DAGLB: variants seen among roughly 807,000 people sequenced by gnomAD.
DAGLB encodes the protein diacylglycerol lipase beta, also known as diacylglycerol lipase-beta.
DAGLB carries 66 observed loss-of-function variants against 72.1 expected under a neutral mutation model. That is an observed-to-expected ratio of 0.92 (90% confidence interval 0.75 to 1.12). The LOEUF (loss-of-function observed/expected upper bound fraction) is 1.12, where lower values mean the gene tolerates loss of function less well. DAGLB is among the 50% of genes most tolerant of loss of function. DAGLB has a pLI of 0.00. For missense variants in DAGLB, 1,065 were observed against 884.9 expected, an observed-to-expected ratio of 1.20 and a Z score of -2.58; for synonymous variants, 414 against 359.5, an observed-to-expected ratio of 1.15 and a Z score of -1.71.
Position 6,416,887 on chromosome 7 carries a change from C to T in DAGLB, c.1253G>A (p.Arg418Gln), listed in dbSNP as rs114433257. The T allele has an allele frequency of 2.8e-5, 45 of 1,614,182 alleles. 1 individual carries two copies. The highest frequency in any genetic ancestry group is 4.4e-5 in the South Asian group (4 of 91,062). The part of the protein sequence containing the change: ...ISQAARYVYQ[R>Q]LINDGILSQA... ...GCTCAAAATCCCGTCGTTGATGAGT[C>T]GTTGGTAAACGTATCTGGCAGCTTG... Residue 418 changes from arginine (R) to glutamine (Q), a missense_variant, in exon 10 of 15, where the codon CGA becomes CAA. Physicochemically the swap from Arg to Gln is conservative, Grantham distance 43. Transcript: ENST00000297056.
At position 6,426,071 on chromosome 7, in the gene DAGLB, G is replaced by T. The variant is rs956174371; in HGVS notation, c.973C>A (p.Gln325Lys). The change falls in exon 7 of 15, where the codon CAG becomes AAG. Residue 325 changes from glutamine to lysine, a missense_variant. Transcript: ENST00000297056. Reference protein sequence around the residue: ...TTDYDLVGGDQLNCHFGSILH... With the variant: ...TTDYDLVGGDKLNCHFGSILH... Reference sequence around the variant, plus strand: ...ATGGAGCCGAAGTGACAGTTGAGCTGATCGCCTCCGACCAAGTCATAGTCT... The same window carrying T: ...ATGGAGCCGAAGTGACAGTTGAGCTTATCGCCTCCGACCAAGTCATAGTCT... 6.2e-7 allele frequency: 1 copy of T among 1,613,878 alleles called. No homozygotes were observed. The highest frequency in any genetic ancestry group is 1.3e-5 in the African/African-American group (1 of 74,934).
chr7:6,418,623 G>A (rs1055028212), intron 9 of DAGLB, among the ~76,000 whole-genome samples: 4 of 152,052 alleles, frequency 2.6e-5, no homozygotes, highest in South Asian at 2.1e-4. Flanking sequence ...CAGAAGATGG[G>A]AGATGGTTTT....
At chr7:6,426,831 G>A (rs1039569359) in intron 6 of DAGLB, among the ~76,000 whole-genome samples, 6 of 152,162 alleles carry the variant, frequency 3.9e-5, no homozygotes, top group Admixed American at 2.0e-4. Flanking sequence ...AAAAGAGGCC[G>A]GGCGTGGTGG....
intron 11 of DAGLB, among the ~76,000 whole-genome samples, chr7:6,415,612 C>A (rs981486626): frequency 3.0e-5 from 4 of 132,328 alleles, no homozygotes; most frequent in African/African-American, 1.2e-4. Context: ...GCCAAGGTGG[C>A]GGATCATGAG....
chr7:6,430,468 G>C lies in DAGLB; in HGVS notation c.929+12C>G, dbSNP rs73676749. 6.6e-7 allele frequency: 1 copy of C among 1,516,942 alleles called. No homozygotes were observed. The highest frequency in any genetic ancestry group is 8.9e-7 in the Non-Finnish European group (1 of 1,124,458). The allele number at this position is 1,516,942 out of a possible 1,614,324, so 94.0% of individuals were successfully genotyped here. A position where few individuals can be genotyped will look rare whatever the true frequency, so the allele number is the denominator to read the frequency against. ...AAATATGGCTATGGAGGCTCAGACTGTGCCAACCCACCAGTCACCACCAAT... is the reference window on the plus strand; with the variant it reads ...AAATATGGCTATGGAGGCTCAGACTCTGCCAACCCACCAGTCACCACCAAT... On this transcript the variant is annotated intron_variant, in intron 6 of 14. Coordinates refer to ENST00000297056, the MANE Select transcript of DAGLB (RefSeq NM_139179.4).
At position 6,445,941 on chromosome 7, in the gene DAGLB, GCTA is replaced by G. The variant is rs1410066607; in HGVS notation, c.247+9_247+11del. On this transcript the variant is annotated intron_variant, in intron 2 of 14. Coordinates refer to ENST00000297056, the MANE Select transcript of DAGLB (RefSeq NM_139179.4). ...AAAAAATAGGTATCAAATAGAAAAG[GCTA>G]CTTTTTACCTCTCATGCTGACACAC... 4 of 1,576,460 alleles carry G rather than the reference GCTA, an allele frequency of 2.5e-6. No homozygotes were observed. The African/African-American group carries it at 5.5e-5, about 22-fold the overall frequency.
At chr7:6,437,062 G>A (rs1436449090) in intron 2 of DAGLB, among the ~76,000 whole-genome samples, 1 of 151,614 alleles carries the variant, frequency 6.6e-6, no homozygotes, top group Non-Finnish European at 1.5e-5. Flanking sequence ...GCTGAGACAG[G>A]AGAATCGCTT....
At position 6,416,661 on chromosome 7, in the gene DAGLB, A is replaced by T. The variant is rs1337312260; in HGVS notation, c.1393T>A (p.Cys465Ser). The change falls in exon 11 of 15, where the codon TGC becomes AGC. Residue 465 changes from cysteine (C) to serine (S), a missense_variant. By Grantham distance (112) the Cys-to-Ser change is moderately radical. Transcript: ENST00000297056. The stretch of plus-strand genomic sequence containing the variant: ...CCCCGGGGTGGGGAGAAGGCGTAGC[A>T]CCTGACCTGCGGGTAGGCGGCTCTG... ...MLRAAYPQVR[C>S]YAFSPPRGLW... 6.2e-7 allele frequency: 1 copy of T among 1,613,462 alleles called. No homozygotes were observed. Among genetic ancestry groups the T allele is most frequent in the East Asian group, 2.2e-5 (1 of 44,878 alleles).
chr7:6,443,213 A>G (rs1197480011), intron 2 of DAGLB, among the ~76,000 whole-genome samples: 4 of 148,998 alleles, frequency 2.7e-5, no homozygotes, highest in African/African-American at 7.4e-5. Context: ...AAAACAAAAA[A>G]AACAAAACAA....
chr7:6,418,687 C>T (rs1244461030), intron 9 of DAGLB, among the ~76,000 whole-genome samples: 3 of 147,128 alleles, frequency 2.0e-5, no homozygotes, highest in South Asian at 2.2e-4. Context: ...TTTTTTGAGA[C>T]AGAGTCTCGC....
chr7:6,419,081 CTTTTTTTTTTT>C (rs1199596102), intron 9 of DAGLB, among the ~76,000 whole-genome samples: 1 of 128,186 alleles, frequency 7.8e-6, no homozygotes, highest in African/African-American at 3.1e-5. Flanking sequence ...ATGGCACTTC[CTTTTTTTTTTT>C]TTTTTTTTTG....
intron 5 of DAGLB, 47 bp from the exon 6 acceptor site, chr7:6,430,654 C>G: frequency 6.8e-7 from 1 of 1,480,660 alleles, no homozygotes; most frequent in East Asian, 2.4e-5. Context: ...GAACTCCTGA[C>G]ACAGAGGATC....
At chr7:6,444,811 C>A (rs1784942354) in intron 2 of DAGLB, among the ~76,000 whole-genome samples, 1 of 152,120 alleles carries the variant, frequency 6.6e-6, no homozygotes, top group South Asian at 2.1e-4. Context: ...GAGGCTGAGG[C>A]AGGAGAATCA....
intron 2 of DAGLB, among the ~76,000 whole-genome samples, chr7:6,440,124 G>C (rs981592475): frequency 2.0e-5 from 3 of 151,806 alleles, no homozygotes; most frequent in African/African-American, 4.8e-5. Context: ...GGGTGCAGTG[G>C]CTCAGGCTTG....
chr7:6,439,950 G>A (rs1784774702), intron 2 of DAGLB, among the ~76,000 whole-genome samples: 1 of 151,636 alleles, frequency 6.6e-6, no homozygotes, highest in Non-Finnish European at 1.5e-5. Context: ...TACTCGGGAG[G>A]CTGAGGCAGG....
intron 8 of DAGLB, chr7:6,422,571 AAC>A (rs1263203152): frequency 2.0e-5 from 3 of 153,720 alleles, no homozygotes; most frequent in African/African-American, 7.2e-5. Context: ...AAAGCGCAAA[AAC>A]ACATCCTCTG....
chr7:6,411,237 G>A (rs1339996437), intron 13 of DAGLB, among the ~76,000 whole-genome samples: 1 of 150,856 alleles, frequency 6.6e-6, no homozygotes, highest in Non-Finnish European at 1.5e-5. Context: ...TCGAACTCCC[G>A]ACCTCAGGTG....
rs755750282 is a variant in DAGLB, at chr7:6,447,762, G to T, written c.81C>A (p.Val27=). ...DLVFPGFFEL[V]VRVLWWIGIL... ...GCCGTCCTTACCACAGCACTCGCAC[G>T]ACCAGCTCGAAGAACCCTGGGAAGA... is the stretch of plus-strand genomic sequence containing the variant. Residue 27 remains valine, a synonymous_variant, in exon 1 of 15, where the codon GTC becomes GTA. Transcript: ENST00000297056. 1 of 1,613,382 alleles carries T rather than the reference G, an allele frequency of 6.2e-7. No individual in the cohort carries two copies. Among genetic ancestry groups the T allele is most frequent in the South Asian group, 1.1e-5 (1 of 90,934 alleles).
chr7:6,420,948 G>C (rs755529627), intron 9 of DAGLB, among the ~76,000 whole-genome samples: 4 of 152,158 alleles, frequency 2.6e-5, no homozygotes, highest in Non-Finnish European at 5.9e-5. Context: ...ACCCTGGTGC[G>C]CACTCTCTGC....
Sources: gnomAD v4.1 joint callset for allele counts (sites outside exome capture counted in the v4.1 genomes callset) on GRCh38, gnomAD v4.1.1 for gene constraint, MANE v1.5 for transcripts, NCBI Gene and HGNC (gene_info 2026-07-23, HGNC 2026-07-21) for gene names.